NBEA: variants seen among roughly 807,000 people sequenced by gnomAD.
The protein encoded by NBEA is neurobeachin, also known as lysosomal-trafficking regulator 2.
In NBEA, 44 loss-of-function variants were observed where a neutral mutation model predicts 343.4. The observed-to-expected ratio is 0.13, with a 90% confidence interval of 0.10 to 0.16. NBEA has a LOEUF of 0.16. NBEA is among the 10% of genes least tolerant of loss of function. NBEA has a pLI of 1.00. For missense variants in NBEA, 2,555 were observed against 3,631.3 expected, an observed-to-expected ratio of 0.70 and a Z score of 7.62; for synonymous variants, 1,175 against 1,238.7, an observed-to-expected ratio of 0.95 and a Z score of 1.08.
At chr13:35,103,415 C>CT (rs377189363) in intron 11 of NBEA, among the ~76,000 whole-genome samples, 251 of 145,856 alleles carry the variant, frequency 1.7e-3, no homozygotes, top group African/African-American at 5.0e-3. Context: ...TGATGGCTTG[C>CT]TTTTTTTTTT....
At chr13:35,493,328 C>T (rs117286823) in intron 41 of NBEA, among the ~76,000 whole-genome samples, 4,113 of 152,022 alleles carry the variant, frequency 0.027, 84 homozygotes, top group Middle Eastern at 0.065. Flanking sequence ...ATTTGATAAG[C>T]AGTTTTATCA....
intron 13 of NBEA, among the ~76,000 whole-genome samples, chr13:35,112,805 G>C (rs570453557): frequency 3.0e-4 from 45 of 151,638 alleles, no homozygotes; most frequent in Middle Eastern, 6.8e-3. Context: ...TTTCTGATTC[G>C]ATTGGTAATA....
intron 38 of NBEA, among the ~76,000 whole-genome samples, chr13:35,367,740 T>C (rs1396782109): frequency 6.6e-6 from 1 of 151,456 alleles, no homozygotes; most frequent in Non-Finnish European, 1.5e-5. Context: ...TACATCTGGC[T>C]TTTGGATGAA....
At chr13:34,979,817 C>T (rs1248839203) in intron 1 of NBEA, among the ~76,000 whole-genome samples, 2 of 152,080 alleles carry the variant, frequency 1.3e-5, no homozygotes, top group African/African-American at 4.8e-5. Flanking sequence ...AGATATTCTT[C>T]TGTGTTTTCT....
intron 41 of NBEA, among the ~76,000 whole-genome samples, chr13:35,495,184 G>A (rs1003833981): frequency 6.6e-6 from 1 of 151,800 alleles, no homozygotes; most frequent in Non-Finnish European, 1.5e-5. Context: ...AAAAAGATAT[G>A]CACACAAACA....
chr13:35,408,026 A>G (rs1416624297), intron 38 of NBEA, among the ~76,000 whole-genome samples: 1 of 152,136 alleles, frequency 6.6e-6, no homozygotes, highest in Non-Finnish European at 1.5e-5. Context: ...AAATTCATAT[A>G]GGACCAAAAA....
chr13:35,670,124 G>A (rs909176302), intron 58 of NBEA, among the ~76,000 whole-genome samples: 2 of 152,132 alleles, frequency 1.3e-5, no homozygotes, highest in Non-Finnish European at 2.9e-5. Context: ...TTACTCAAAA[G>A]GTATTTATTG....
At chr13:35,477,636 C>G (rs1010974504) in intron 41 of NBEA, among the ~76,000 whole-genome samples, 6 of 152,148 alleles carry the variant, frequency 3.9e-5, no homozygotes, top group Non-Finnish European at 7.4e-5. Flanking sequence ...TTTGGGGTAT[C>G]TGGCTTGTTT....
intron 34 of NBEA, among the ~76,000 whole-genome samples, chr13:35,269,257 C>T (rs1760581758): frequency 6.6e-6 from 1 of 152,006 alleles, no homozygotes; most frequent in Non-Finnish European, 1.5e-5. Context: ...GCAGAAAATG[C>T]ATCTGTTAAT....
At chr13:35,260,035 A>G (rs1434986114) in intron 34 of NBEA, among the ~76,000 whole-genome samples, 1 of 152,236 alleles carries the variant, frequency 6.6e-6, no homozygotes, top group Non-Finnish European at 1.5e-5. Flanking sequence ...ATATGAAGAT[A>G]TGGTTATCTT....
At chr13:35,612,292 C>T (rs1012349704) in intron 48 of NBEA, among the ~76,000 whole-genome samples, 1 of 151,962 alleles carries the variant, frequency 6.6e-6, no homozygotes, top group South Asian at 2.1e-4. Flanking sequence ...GCCACCACGC[C>T]CGGCTAATTT....
At chr13:35,482,687 A>AT (rs950893533) in intron 41 of NBEA, among the ~76,000 whole-genome samples, 35 of 150,770 alleles carry the variant, frequency 2.3e-4, no homozygotes, top group African/African-American at 1.7e-4. Context: ...TGTGAAATTT[A>AT]TTTTTTTTAA....
chr13:35,539,404 C>G (rs2078703368), intron 41 of NBEA, among the ~76,000 whole-genome samples: 1 of 152,066 alleles, frequency 6.6e-6, no homozygotes, highest in African/African-American at 2.4e-5. Context: ...GAGAAGTGTT[C>G]AGGATGGTTA....
chr13:35,067,734 T>G (rs2063708587), intron 8 of NBEA, among the ~76,000 whole-genome samples: 1 of 152,106 alleles, frequency 6.6e-6, no homozygotes, highest in Non-Finnish European at 1.5e-5. Context: ...TAAAATATTT[T>G]CTTTAAAAAA....
At position 35,584,010 on chromosome 13, in the gene NBEA, C is replaced by T; in HGVS notation, c.7148C>T (p.Thr2383Ile). 1 of 1,613,636 alleles carries T rather than the reference C, an allele frequency of 6.2e-7. No individual in the cohort carries two copies. The highest frequency in any genetic ancestry group is 2.2e-5 in the East Asian group (1 of 44,820). ...TATAATACCCATTATTCAACAGCAA[C>T]ATCTACTTTATCCTGGCTTGTTCGA... is the stretch of plus-strand genomic sequence containing the variant. Reference protein sequence around the residue: ...YHYNTHYSTATSTLSWLVRIE... With the variant: ...YHYNTHYSTAISTLSWLVRIE... Residue 2383 changes from threonine (T) to isoleucine (I), a missense_variant, in exon 46 of 59, where the codon ACA (threonine) becomes ATA (isoleucine). Thr to Ile is a moderately conservative substitution (Grantham distance 89). This residue lies in a region of NBEA where 156 missense variants were observed against 185.8 expected (regional missense o/e 0.84). Coordinates refer to ENST00000379939, the MANE Select transcript of NBEA (RefSeq NM_001385012.1).
intron 1 of NBEA, among the ~76,000 whole-genome samples, chr13:35,005,216 A>AT (rs36067182): frequency 0.31 from 44,795 of 145,198 alleles, 7,378 homozygotes; most frequent in Middle Eastern, 0.49. Flanking sequence ...CACAGGGCAG[A>AT]TTTTTTTTTT....
At chr13:35,010,742 ATATATATATATATATAT>A (rs2061465056) in intron 1 of NBEA, among the ~76,000 whole-genome samples, 1 of 83,756 alleles carries the variant, frequency 1.2e-5, no homozygotes, top group Non-Finnish European at 2.1e-5. Context: ...AAAAAAAAAA[ATATATATATATATATAT>A]ATATATATAT....
chr13:35,386,375 A>G (rs1344762536), intron 38 of NBEA, among the ~76,000 whole-genome samples: 1 of 152,174 alleles, frequency 6.6e-6, no homozygotes, highest in Non-Finnish European at 1.5e-5. Flanking sequence ...CTCTGTCCCC[A>G]AAATATTTCT....
intron 36 of NBEA, among the ~76,000 whole-genome samples, chr13:35,341,809 G>A (rs1489492560): frequency 6.6e-6 from 1 of 152,026 alleles, no homozygotes; most frequent in East Asian, 1.9e-4. Flanking sequence ...CTGTGGAAAA[G>A]AGTTTGGCTG....
Sources: allele counts gnomAD v4.1 joint callset (sites outside exome capture counted in the v4.1 genomes callset), GRCh38; gene constraint gnomAD v4.1.1; regional missense constraint gnomAD v4.1.1; transcripts MANE v1.5; gene names NCBI Gene and HGNC (gene_info 2026-07-23, HGNC 2026-07-21).